TBC1D12: variants seen among roughly 807,000 people sequenced by gnomAD.
The protein encoded by TBC1D12 is TBC1 domain family, member 12.
TBC1D12 carries 56 observed loss-of-function variants against 86.7 expected under a neutral mutation model. The ratio of observed to expected loss-of-function variants is 0.65; its 90% CI spans 0.52 to 0.81. The LOEUF is 0.81. Among genes scored for constraint, TBC1D12 ranks in the 30% least tolerant of loss-of-function variants. TBC1D12 has a pLI of 0.00. For missense variants in TBC1D12, 1,023 were observed against 1,038.8 expected (o/e 0.98, Z 0.21); for synonymous variants, 421 against 411.7 (o/e 1.02, Z -0.27).
At chr10:94,474,065 T>C (rs930655226) in intron 2 of TBC1D12, among the ~76,000 whole-genome samples, 1 of 152,180 alleles carries the variant, frequency 6.6e-6, no homozygotes, top group Non-Finnish European at 1.5e-5. Context: ...AGAGGTTGAA[T>C]GTCACCCTTG....
intron 4 of TBC1D12, among the ~76,000 whole-genome samples, chr10:94,494,885 C>T (rs755833507): frequency 1.9e-4 from 29 of 151,806 alleles, no homozygotes; most frequent in Admixed American, 5.9e-4. Context: ...ATTTTAGAGA[C>T]GGGGTCGCAC....
intron 2 of TBC1D12, among the ~76,000 whole-genome samples, chr10:94,455,642 G>GTTA (rs1195625373): frequency 3.3e-5 from 5 of 152,056 alleles, no homozygotes; most frequent in Non-Finnish European, 7.4e-5. Context: ...AGAATTGTTC[G>GTTA]TAATAAGCCA....
chr10:94,504,325 T>C (rs2056435348), intron 6 of TBC1D12, among the ~76,000 whole-genome samples: 1 of 152,202 alleles, frequency 6.6e-6, no homozygotes, highest in Non-Finnish European at 1.5e-5. Flanking sequence ...TGTGATACTA[T>C]AATCAAAAGG....
chr10:94,419,240 T>C (rs2055043354), intron 1 of TBC1D12, among the ~76,000 whole-genome samples: 1 of 152,226 alleles, frequency 6.6e-6, no homozygotes, highest in Admixed American at 6.5e-5. Context: ...GTACATTTAC[T>C]ATTAAATGTG....
chr10:94,506,470 T>C (rs2056462031), intron 6 of TBC1D12, among the ~76,000 whole-genome samples: 1 of 152,220 alleles, frequency 6.6e-6, no homozygotes, highest in African/African-American at 2.4e-5. Context: ...GCAAGACGTA[T>C]TTTTTCTATT....
At chr10:94,406,742 G>A (rs1217591980) in intron 1 of TBC1D12, among the ~76,000 whole-genome samples, 5 of 152,220 alleles carry the variant, frequency 3.3e-5, no homozygotes, top group Non-Finnish European at 5.9e-5. Context: ...AGCTCCAGGT[G>A]AGGGCTCTCT....
chr10:94,427,764 G>T lies in TBC1D12; in HGVS notation c.972-14132G>T, dbSNP rs192914638. On this transcript the variant is annotated intron_variant, in intron 1 of 12. Transcript: ENST00000225235. Reference sequence around the variant, plus strand: ...GGAGAATTGCTTGTACCTGGGAGGCGGAGGTTGCAGTGAGTCAAGATTGTG... The same window carrying T: ...GGAGAATTGCTTGTACCTGGGAGGCTGAGGTTGCAGTGAGTCAAGATTGTG... Among the ~76,000 whole-genome samples, 393 of 149,218 alleles carry T rather than the reference G, an allele frequency of 2.6e-3. 2 individuals carry two copies. The highest frequency in any genetic ancestry group is 9.1e-3 in the African/African-American group (368 of 40,566).
chr10:94,410,948 A>C (rs1445114850), intron 1 of TBC1D12, among the ~76,000 whole-genome samples: 1 of 152,216 alleles, frequency 6.6e-6, no homozygotes, highest in African/African-American at 2.4e-5. Flanking sequence ...TTGCACACAC[A>C]GTAGTGGACC....
chr10:94,453,258 C>G (rs1026906059), intron 2 of TBC1D12, among the ~76,000 whole-genome samples: 1 of 152,154 alleles, frequency 6.6e-6, no homozygotes, highest in African/African-American at 2.4e-5. Flanking sequence ...TTTCAGTGAA[C>G]TCCAGCTGAT....
intron 6 of TBC1D12, among the ~76,000 whole-genome samples, chr10:94,504,331 A>G (rs2056435456): frequency 6.6e-6 from 1 of 152,174 alleles, no homozygotes; most frequent in Non-Finnish European, 1.5e-5. Flanking sequence ...ACTATAATCA[A>G]AAGGTTCGTT....
intron 2 of TBC1D12, among the ~76,000 whole-genome samples, chr10:94,445,711 G>A (rs530697174): frequency 6.6e-6 from 1 of 152,206 alleles, no homozygotes; most frequent in East Asian, 1.9e-4. Flanking sequence ...ACTTTGGGAG[G>A]CTGAGGCTGG....
intron 1 of TBC1D12, among the ~76,000 whole-genome samples, chr10:94,426,971 C>T (rs2134069553): frequency 6.6e-6 from 1 of 152,266 alleles, no homozygotes; most frequent in Middle Eastern, 3.4e-3. Flanking sequence ...TGATAGTTTT[C>T]AGCACATTCA....
intron 11 of TBC1D12, among the ~76,000 whole-genome samples, chr10:94,530,364 A>G (rs929248290): frequency 6.6e-6 from 1 of 152,206 alleles, no homozygotes; most frequent in Non-Finnish European, 1.5e-5. Context: ...GAAGTAGTAA[A>G]TAAAGCTGGG....
intron 1 of TBC1D12, among the ~76,000 whole-genome samples, chr10:94,418,275 G>T (rs1021032910): frequency 7.2e-5 from 11 of 152,116 alleles, no homozygotes; most frequent in Admixed American, 5.9e-4. Context: ...TGGCAAAACA[G>T]TCCATGTTTA....
intron 2 of TBC1D12, among the ~76,000 whole-genome samples, chr10:94,464,983 A>C (rs1224388672): frequency 3.9e-5 from 6 of 152,222 alleles, no homozygotes; most frequent in African/African-American, 1.4e-4. Context: ...TACATGAAGA[A>C]AATCTCACAG....
At chr10:94,517,544 C>T (rs1051924973) in intron 9 of TBC1D12, among the ~76,000 whole-genome samples, 1 of 152,026 alleles carries the variant, frequency 6.6e-6, no homozygotes, top group African/African-American at 2.4e-5. Flanking sequence ...CTTATTAGGT[C>T]ACTGTATATT....
At chr10:94,503,529 C>T (rs2056424880) in intron 6 of TBC1D12, among the ~76,000 whole-genome samples, 1 of 152,182 alleles carries the variant, frequency 6.6e-6, no homozygotes, top group South Asian at 2.1e-4. Context: ...GTCTGAAAAG[C>T]AATGCCAACT....
chr10:94,497,016 C>T (rs1471703334), intron 4 of TBC1D12, 39 bp from the exon 5 acceptor site: 4 of 1,266,048 alleles, frequency 3.2e-6, no homozygotes, highest in Non-Finnish European at 4.4e-6. Flanking sequence ...TTTGATCTAG[C>T]TTATTTGTAT....
At chr10:94,504,565 A>G (rs933313002) in intron 6 of TBC1D12, among the ~76,000 whole-genome samples, 1 of 152,192 alleles carries the variant, frequency 6.6e-6, no homozygotes, top group Non-Finnish European at 1.5e-5. Context: ...TGTTTTAGTC[A>G]TGAAATTTAT....
Sources: allele counts gnomAD v4.1 joint callset (sites outside exome capture counted in the v4.1 genomes callset), GRCh38; gene constraint gnomAD v4.1.1; transcripts MANE v1.5; gene names NCBI Gene and HGNC (gene_info 2026-07-23, HGNC 2026-07-21).